POM121C: variants seen among roughly 807,000 people sequenced by gnomAD.
The protein encoded by POM121C is nuclear envelope pore membrane protein POM 121C.
A neutral mutation model predicts 66.4 loss-of-function variants in POM121C; 20 were observed. The ratio of observed to expected loss-of-function variants is 0.30; its 90% confidence interval spans 0.21 to 0.44. The LOEUF (loss-of-function observed/expected upper bound fraction) is 0.44, where lower values mean the gene tolerates loss of function less well. POM121C is among the 20% of genes least tolerant of loss of function. The probability of loss-of-function intolerance (pLI) is 1.00; values close to 1 mark genes in which losing one functional copy is unlikely to be tolerated. For missense variants in POM121C, 580 were observed against 1,225.7 expected (o/e 0.47, Z 7.87); for synonymous variants, 286 against 528.0 (o/e 0.54, Z 6.28).
chr7:75,472,999 A>G (rs1448353263), intron 3 of POM121C, among the ~76,000 whole-genome samples: 2 of 152,216 alleles, frequency 1.3e-5, no homozygotes, highest in African/African-American at 4.8e-5. Flanking sequence ...AAAGAAACAG[A>G]ATGTGCTGAC....
intron 3 of POM121C, among the ~76,000 whole-genome samples, chr7:75,467,399 G>A (rs1434418741): frequency 6.6e-6 from 1 of 152,028 alleles, no homozygotes; most frequent in African/African-American, 2.4e-5. Context: ...GGGTGTGGTG[G>A]CACATGCCTG....
At chr7:75,461,414 G>A (rs1220326873) in intron 3 of POM121C, among the ~76,000 whole-genome samples, 1 of 152,094 alleles carries the variant, frequency 6.6e-6, no homozygotes, top group Non-Finnish European at 1.5e-5. Flanking sequence ...CAGAACCTGG[G>A]TCATAAAACA....
chr7:75,444,261 G>A (rs1563146554), intron 3 of POM121C, among the ~76,000 whole-genome samples: 1 of 107,846 alleles, frequency 9.3e-6, no homozygotes, highest in African/African-American at 2.8e-5. Flanking sequence ...AAAAAAAGGG[G>A]GGGGGGGGCG....
At chr7:75,467,531 CAAA>C (rs58341825) in intron 3 of POM121C, among the ~76,000 whole-genome samples, 1 of 65,356 alleles carries the variant, frequency 1.5e-5, no homozygotes, top group African/African-American at 6.9e-5. Context: ...GATTCTGTCT[CAAA>C]AAAAAAAAAA....
chr7:75,446,748 G>A (rs1254487498), intron 3 of POM121C, among the ~76,000 whole-genome samples: 1 of 152,038 alleles, frequency 6.6e-6, no homozygotes, highest in African/African-American at 2.4e-5. Context: ...GGTGGCTCAC[G>A]CCTGTAATCC....
At chr7:75,481,046 T>TATATAA (rs1389670059) in intron 1 of POM121C, among the ~76,000 whole-genome samples, 3 of 139,620 alleles carry the variant, frequency 2.1e-5, no homozygotes, top group Admixed American at 7.3e-5. Flanking sequence ...TATATATATA[T>TATATAA]AAATATATAT....
chr7:75,452,807 CTCTCA>C (rs1791063806), intron 3 of POM121C, among the ~76,000 whole-genome samples: 2 of 152,200 alleles, frequency 1.3e-5, no homozygotes, highest in Non-Finnish European at 2.9e-5. Flanking sequence ...AACCCCTAGC[CTCTCA>C]TCTCTTCACC....
chr7:75,481,046 T>TATAA (rs1389670059), intron 1 of POM121C, among the ~76,000 whole-genome samples: 3 of 139,602 alleles, frequency 2.1e-5, no homozygotes, highest in South Asian at 2.2e-4. Flanking sequence ...TATATATATA[T>TATAA]AAATATATAT....
At chr7:75,442,310 G>T in intron 3 of POM121C, 2 of 1,434,828 alleles carry the variant, frequency 1.4e-6, no homozygotes, top group East Asian at 2.8e-5. Flanking sequence ...CGGAGCGGGG[G>T]CGGGCTGCGG....
At chr7:75,438,902 A>T (rs1790519918) in intron 6 of POM121C, among the ~76,000 whole-genome samples, 1 of 152,214 alleles carries the variant, frequency 6.6e-6, no homozygotes, top group Non-Finnish European at 1.5e-5. Flanking sequence ...TTGGTTATTA[A>T]ATATATTTAT....
chr7:75,484,200 G>A, intron 1 of POM121C: 1 of 1,609,510 alleles, frequency 6.2e-7, no homozygotes, highest in South Asian at 1.1e-5. Context: ...AAACTCACCT[G>A]CAATGTGTTC....
rs398003 is a variant in POM121C, at chr7:75,422,085, T to C, written c.2167A>G (p.Thr723Ala). The C allele has an allele frequency of 0.11, 177,854 of 1,558,904 alleles. 10,632 individuals are homozygous for C. The highest frequency in any genetic ancestry group is 0.15 in the East Asian group (6,192 of 41,732). Residue 723 changes from threonine to alanine, a missense_variant, in exon 13 of 15, where the codon ACC becomes GCC. Transcript: ENST00000615331. ...GTGAAAGAGCTGCCAAAGCTGGGGG[T>C]AAGGGCTGGCTTGGCGGCCCCCGGT... Reference protein sequence around the residue: ...QPPGAAKPALTPSFGSSFTFG... With the variant: ...QPPGAAKPALAPSFGSSFTFG...
intron 1 of POM121C, among the ~76,000 whole-genome samples, chr7:75,477,110 T>TACACACACGCAC (rs1554479486): frequency 8.5e-5 from 12 of 140,684 alleles, no homozygotes; most frequent in East Asian, 6.5e-4. Flanking sequence ...TTTGCGTGTA[T>TACACACACGCAC]ACACACACAC....
In POM121C at chr7:75,486,010, CG is replaced by C; in HGVS notation, c.-605del. The stretch of plus-strand genomic sequence containing the variant: ...TCCCGAGGGGCCCGGGCCGGGCCTA[CG>C]GGGCAAATCCAGGCGGGTGTCCTTC... On this transcript the variant is annotated 5_prime_UTR_variant, in exon 1 of 15. Coordinates refer to ENST00000615331, the MANE Select transcript of POM121C (RefSeq NM_001099415.3). The C allele has an allele frequency of 2.1e-6, 1 of 478,388 alleles. No individual in the cohort carries two copies. The highest frequency in any genetic ancestry group is 4.1e-6 in the Non-Finnish European group (1 of 241,878). The allele number at this position is 478,388 out of a possible 1,614,324, so 29.6% of individuals were successfully genotyped here. A position where few individuals can be genotyped will look rare whatever the true frequency, so the allele number is the denominator to read the frequency against.
intron 1 of POM121C, among the ~76,000 whole-genome samples, chr7:75,481,753 G>A (rs1469042628): frequency 6.6e-6 from 1 of 152,074 alleles, no homozygotes; most frequent in Non-Finnish European, 1.5e-5. Context: ...TTGAGCACAG[G>A]AGTTTGAGGC....
At chr7:75,484,810 G>T (rs1554480635) in intron 1 of POM121C, among the ~76,000 whole-genome samples, 2 of 151,990 alleles carry the variant, frequency 1.3e-5, no homozygotes, top group African/African-American at 2.4e-5. Flanking sequence ...AATACAAGGC[G>T]CAAAAAGAAA....
At chr7:75,434,385 C>T (rs1307928118) in intron 7 of POM121C, among the ~76,000 whole-genome samples, 3 of 151,810 alleles carry the variant, frequency 2.0e-5, no homozygotes, top group African/African-American at 7.3e-5. Context: ...AGCAGTTCTC[C>T]TGCCTCAGCC....
At chr7:75,478,521 C>T (rs1299542754) in intron 1 of POM121C, among the ~76,000 whole-genome samples, 8 of 149,996 alleles carry the variant, frequency 5.3e-5, no homozygotes. Flanking sequence ...ACAACCGGCA[C>T]AGAGCACTGA....
At chr7:75,482,155 C>A (rs1792331091) in intron 1 of POM121C, among the ~76,000 whole-genome samples, 1 of 151,914 alleles carries the variant, frequency 6.6e-6, no homozygotes, top group Admixed American at 6.6e-5. Context: ...TGAGGATAAC[C>A]AACCCAGTTT....
Sources: allele counts gnomAD v4.1 joint callset (sites outside exome capture counted in the v4.1 genomes callset), GRCh38; gene constraint gnomAD v4.1.1; transcripts MANE v1.5; gene names NCBI Gene and HGNC (gene_info 2026-07-23, HGNC 2026-07-21).